MRPS9: variants seen among roughly 807,000 people sequenced by gnomAD.
MRPS9 encodes the protein mitochondrial ribosomal protein S9, also known as small ribosomal subunit protein uS9m.
A neutral mutation model predicts 59.9 loss-of-function variants in MRPS9; 45 were observed. The observed-to-expected ratio is 0.75, with a 90% CI of 0.59 to 0.96. The LOEUF (loss-of-function observed/expected upper bound fraction) is 0.96. Ranked by LOEUF, MRPS9 falls within the 40% of genes least tolerant of loss-of-function variation. MRPS9 has a pLI of 0.00. For synonymous variants in MRPS9, 171 were observed against 166.8 expected, an observed-to-expected ratio of 1.03 and a Z score of -0.19; for missense variants, 473 against 481.1, an observed-to-expected ratio of 0.98 and a Z score of 0.16.
intron 2 of MRPS9, among the ~76,000 whole-genome samples, chr2:105,059,172 G>A (rs1227511521): frequency 6.7e-6 from 1 of 149,244 alleles, no homozygotes; most frequent in Non-Finnish European, 1.5e-5. Flanking sequence ...TAACAACTTT[G>A]CCAAGTTAAA....
At chr2:105,077,818 A>G (rs1680245371) in intron 4 of MRPS9, among the ~76,000 whole-genome samples, 1 of 152,224 alleles carries the variant, frequency 6.6e-6, no homozygotes, top group Non-Finnish European at 1.5e-5. Flanking sequence ...AGAAGTGAAA[A>G]TCTGAACAGT....
chr2:105,082,888 G>A (rs925707663), intron 5 of MRPS9, among the ~76,000 whole-genome samples: 1 of 152,148 alleles, frequency 6.6e-6, no homozygotes, highest in Non-Finnish European at 1.5e-5. Flanking sequence ...TAAGATGTAT[G>A]TATATAATGA....
chr2:105,089,180 C>A, intron 6 of MRPS9, 111 bp downstream of exon 6: 1 of 673,908 alleles, frequency 1.5e-6, no homozygotes, highest in Non-Finnish European at 2.5e-6. Flanking sequence ...AGTATTTCAG[C>A]ATTAAGCATT....
At chr2:105,038,546 CTGCCCTG>C in intron 1 of MRPS9, 1 of 301,888 alleles carries the variant, frequency 3.3e-6, no homozygotes, top group Non-Finnish European at 6.3e-6. Flanking sequence ...CAGTCCTACC[CTGCCCTG>C]CTGTCTAGGG....
At chr2:105,089,475 A>C (rs544638194) in intron 6 of MRPS9, among the ~76,000 whole-genome samples, 158 of 152,314 alleles carry the variant, frequency 1.0e-3, no homozygotes, top group African/African-American at 3.7e-3. Flanking sequence ...GCCAGTGTTA[A>C]ATTTTGGCCT....
Position 105,080,031 on chromosome 2 carries a change from C to A in MRPS9, c.458C>A (p.Thr153Asn). ...CGTCCATTTCACTATCTCTTCTATA[C>A]TGGCAAACAGTCATACTATTCATTA... ...DGRPFHYLFY[T>N]GKQSYYSLMH... Residue 153 changes from threonine (T) to asparagine (N), a missense_variant, in exon 5 of 11, where the codon ACT becomes AAT. Physicochemically the swap from Thr to Asn is moderately conservative, Grantham distance 65. Coordinates refer to ENST00000258455, the MANE Select transcript of MRPS9 (RefSeq NM_182640.3). 6.2e-7 allele frequency: 1 copy of A among 1,610,926 alleles called. No homozygotes were observed. The highest frequency in any genetic ancestry group is 1.1e-5 in the South Asian group (1 of 90,724).
intron 2 of MRPS9, among the ~76,000 whole-genome samples, chr2:105,067,577 C>G (rs896413172): frequency 6.6e-6 from 1 of 152,140 alleles, no homozygotes; most frequent in Non-Finnish European, 1.5e-5. Flanking sequence ...CTTTAGTAAC[C>G]TTTCAGCCAG....
At chr2:105,087,684 C>A (rs1680475270) in intron 5 of MRPS9, among the ~76,000 whole-genome samples, 1 of 152,148 alleles carries the variant, frequency 6.6e-6, no homozygotes, top group Non-Finnish European at 1.5e-5. Context: ...ACTTTTACAT[C>A]CTTATTCACT....
At chr2:105,080,684 T>A (rs1490779821) in intron 5 of MRPS9, among the ~76,000 whole-genome samples, 3 of 152,214 alleles carry the variant, frequency 2.0e-5, no homozygotes, top group African/African-American at 7.2e-5. Flanking sequence ...GATGCCAATA[T>A]TCTGTTTTTA....
intron 1 of MRPS9, among the ~76,000 whole-genome samples, chr2:105,042,362 C>T (rs1679516608): frequency 6.6e-6 from 1 of 152,262 alleles, no homozygotes; most frequent in Non-Finnish European, 1.5e-5. Flanking sequence ...TCCCTCAGCT[C>T]CTGCCACATG....
chr2:105,067,996 AT>A (rs200680572), intron 2 of MRPS9, among the ~76,000 whole-genome samples: 1,972 of 152,062 alleles, frequency 0.013, 45 homozygotes, highest in African/African-American at 0.045. Flanking sequence ...CTTCTTAAAA[AT>A]TTTTTTTGTA....
chr2:105,075,516 G>A (rs1010052379), intron 4 of MRPS9, among the ~76,000 whole-genome samples: 7 of 152,188 alleles, frequency 4.6e-5, no homozygotes, highest in Non-Finnish European at 1.0e-4. Context: ...TGTAACTATT[G>A]TTATCATTTA....
chr2:105,041,101 A>T (rs1238501172), intron 1 of MRPS9, among the ~76,000 whole-genome samples: 1 of 152,176 alleles, frequency 6.6e-6, no homozygotes, highest in Non-Finnish European at 1.5e-5. Context: ...TTGCTATGCT[A>T]AGGTAGCTGA....
Position 105,049,214 on chromosome 2 carries a change from A to C in MRPS9, c.179A>C (p.Asn60Thr). 6.2e-7 allele frequency: 1 copy of C among 1,612,340 alleles called. No individual in the cohort carries two copies. The stretch of plus-strand genomic sequence containing the variant: ...ACTGCATTTGTAATACCAAAGAAAA[A>C]CGTTCCTACCTCAAAACGTGAAACT... ...RHTAFVIPKK[N>T]VPTSKRETYT... is the part of the protein sequence containing the mutation. The change falls in exon 2 of 11, where the codon AAC (asparagine) becomes ACC (threonine). Residue 60 changes from asparagine (N) to threonine (T), a missense_variant. Transcript: ENST00000258455.
chr2:105,060,967 C>T (rs1208016953), intron 2 of MRPS9, among the ~76,000 whole-genome samples: 2 of 151,304 alleles, frequency 1.3e-5, no homozygotes, highest in Non-Finnish European at 1.5e-5. Context: ...AAAAATTAGC[C>T]GGGCATGGTG....
At chr2:105,039,317 G>GTTTTT (rs11423412) in intron 1 of MRPS9, among the ~76,000 whole-genome samples, 2 of 134,356 alleles carry the variant, frequency 1.5e-5, no homozygotes, top group South Asian at 2.3e-4. Context: ...GTGGACATTT[G>GTTTTT]TTTTTTTTTT....
chr2:105,088,878 G>A, intron 5 of MRPS9, 106 bp from the exon 6 acceptor site: 1 of 596,016 alleles, frequency 1.7e-6, no homozygotes, highest in South Asian at 3.9e-5. Flanking sequence ...TGAGGAGGAG[G>A]ACACCTTAGG....
intron 4 of MRPS9, among the ~76,000 whole-genome samples, chr2:105,078,941 G>A (rs542385569): frequency 1.3e-5 from 2 of 152,244 alleles, no homozygotes; most frequent in African/African-American, 4.8e-5. Flanking sequence ...GTTCACGGGG[G>A]TGGGGAAACC....
At chr2:105,070,841 T>A in intron 2 of MRPS9, among the ~76,000 whole-genome samples, 1 of 152,108 alleles carries the variant, frequency 6.6e-6, no homozygotes, top group East Asian at 1.9e-4. Flanking sequence ...GAAGAAGAAC[T>A]TGTTTGGAAA....
Sources: allele counts gnomAD v4.1 joint callset (sites outside exome capture counted in the v4.1 genomes callset), GRCh38; gene constraint gnomAD v4.1.1; transcripts MANE v1.5; gene names NCBI Gene and HGNC (gene_info 2026-07-23, HGNC 2026-07-21).